The following IGF2BP2 variants were observed in gnomAD, a reference collection of about 807,000 sequenced individuals.
IGF2BP2 encodes the protein insulin-like growth factor 2 mRNA-binding protein 2.
In IGF2BP2, 17 loss-of-function variants were observed where a neutral mutation model predicts 75.8. The observed-to-expected ratio is 0.22, with a 90% confidence interval of 0.15 to 0.34. The LOEUF is 0.34. IGF2BP2 is among the 10% of genes least tolerant of loss of function. IGF2BP2 has a pLI of 1.00. For synonymous variants in IGF2BP2, 288 were observed against 295.6 expected (o/e 0.97, Z 0.26); for missense variants, 516 against 772.4 (o/e 0.67, Z 3.93).
chr3:185,676,992 ATATATATATGGAGAGAT>A (rs1553855504), intron 7 of IGF2BP2, among the ~76,000 whole-genome samples: 1 of 135,940 alleles, frequency 7.4e-6, no homozygotes, highest in Non-Finnish European at 1.6e-5. Flanking sequence ...ATATGGAGAT[ATATATATATGGAGAGAT>A]TATATATATG....
chr3:185,650,950 C>T (rs1714497967), intron 13 of IGF2BP2, among the ~76,000 whole-genome samples: 1 of 152,184 alleles, frequency 6.6e-6, no homozygotes, highest in Non-Finnish European at 1.5e-5. Flanking sequence ...GCTCTGTCAC[C>T]CAGGCTAGAG....
intron 2 of IGF2BP2, among the ~76,000 whole-genome samples, chr3:185,818,074 T>G (rs1275796288): frequency 2.0e-5 from 3 of 152,208 alleles, no homozygotes; most frequent in African/African-American, 7.2e-5. Flanking sequence ...CATTTTTAAG[T>G]CTCCAAAGAA....
Position 185,658,411 on chromosome 3 carries a change from T to C in IGF2BP2, c.1201-2A>G, listed in dbSNP as rs1296323122. 1.2e-6 allele frequency: 2 copies of C among 1,613,450 alleles called. No individual in the cohort carries two copies. The stretch of plus-strand genomic sequence containing the variant: ...GCTGGAGAAGTATCCGGAGTGGGTC[T>C]GCAGCATGAGAGAAAGAGTCAGTGG... On this transcript the variant is annotated splice_acceptor_variant, in intron 10 of 15. Transcript: ENST00000382199. LOFTEE classifies it high-confidence loss of function.
At chr3:185,707,700 G>T (rs1578044163) in intron 2 of IGF2BP2, among the ~76,000 whole-genome samples, 6 of 152,054 alleles carry the variant, frequency 3.9e-5, no homozygotes, top group African/African-American at 2.4e-5. Context: ...ATAATTTTTT[G>T]GGAGGAGGGG....
chr3:185,761,880 C>T (rs1732415341), intron 2 of IGF2BP2, among the ~76,000 whole-genome samples: 1 of 152,190 alleles, frequency 6.6e-6, no homozygotes, highest in Non-Finnish European at 1.5e-5. Flanking sequence ...GCATTCGATC[C>T]AAGGGGGCAC....
intron 14 of IGF2BP2, among the ~76,000 whole-genome samples, chr3:185,648,307 TAAAA>T (rs1210898409): frequency 6.6e-6 from 1 of 151,386 alleles, no homozygotes; most frequent in Non-Finnish European, 1.5e-5. Flanking sequence ...ACTAAAAATA[TAAAA>T]AATTAGCTGG....
chr3:185,732,383 A>G (rs1033810816), intron 2 of IGF2BP2, among the ~76,000 whole-genome samples: 4 of 152,220 alleles, frequency 2.6e-5, no homozygotes, highest in African/African-American at 7.2e-5. Context: ...AGGGAAGACT[A>G]TGTTGACCAG....
Position 185,714,634 on chromosome 3 carries a change from G to A in IGF2BP2, c.240-16287C>T, listed in dbSNP as rs543197700. 2.6e-5 allele frequency among the ~76,000 whole-genome samples: 4 copies of A among 152,224 alleles called. No individual in the cohort carries two copies. In the East Asian group the frequency reaches 5.8e-4, roughly 22 times the overall value. On this transcript the variant is annotated intron_variant, in intron 2 of 15. Coordinates refer to ENST00000382199, the MANE Select transcript of IGF2BP2 (RefSeq NM_006548.6). ...TGTTTGCATTTTAATTACAAATGAG[G>A]GTGATCATTTTTCATATATTAAAGA... is the stretch of plus-strand genomic sequence containing the variant.
At position 185,716,166 on chromosome 3, in the gene IGF2BP2, TA is replaced by T. The variant is rs1027282756; in HGVS notation, c.240-17820del. Among the ~76,000 whole-genome samples the T allele has an allele frequency of 2.9e-3, 429 of 146,040 alleles. 1 individual carries two copies. The highest frequency in any genetic ancestry group is 9.5e-3 in the African/African-American group (382 of 40,086). On this transcript the variant is annotated intron_variant, in intron 2 of 15. Transcript: ENST00000382199. ...AGAGGGTATGATTGAATAACATGAT[TA>T]AAAAAAAAAACACCAGAACTTTTAT...
At chr3:185,749,858 G>A (rs757437525) in intron 2 of IGF2BP2, among the ~76,000 whole-genome samples, 1 of 152,150 alleles carries the variant, frequency 6.6e-6, no homozygotes, top group African/African-American at 2.4e-5. Context: ...AAAGAAATGA[G>A]CCTGTGCCTG....
At chr3:185,743,785 A>T (rs1729884671) in intron 2 of IGF2BP2, among the ~76,000 whole-genome samples, 1 of 152,208 alleles carries the variant, frequency 6.6e-6, no homozygotes, top group Non-Finnish European at 1.5e-5. Context: ...AAGCAAACAA[A>T]AACTCCTGCT....
At chr3:185,740,173 A>G (rs1729363582) in intron 2 of IGF2BP2, among the ~76,000 whole-genome samples, 1 of 152,192 alleles carries the variant, frequency 6.6e-6, no homozygotes, top group African/African-American at 2.4e-5. Flanking sequence ...CAATTGTTGA[A>G]AAGCAAAGGG....
At position 185,644,994 on chromosome 3, in the gene IGF2BP2, GAAA is replaced by G. The variant is rs1023744596; in HGVS notation, c.*534_*536del. 6 of 150,540 alleles carry G rather than the reference GAAA, an allele frequency of 4.0e-5. No individual in the cohort carries two copies. Among genetic ancestry groups the G allele is most frequent in the African/African-American group, 1.5e-4 (6 of 40,970 alleles). 9.3% of individuals were successfully genotyped at this position (150,540 alleles called of 1,614,324 possible). A position where few individuals can be genotyped will look rare whatever the true frequency, so the allele number is the denominator to read the frequency against. ...GAAAAGCCTGCTTTCTCTTTAAAAA[GAAA>G]AAAAAATTAATAATTGATTAAAAAT... On this transcript the variant is annotated 3_prime_UTR_variant, in exon 16 of 16. Coordinates refer to ENST00000382199, the MANE Select transcript of IGF2BP2 (RefSeq NM_006548.6).
intron 2 of IGF2BP2, among the ~76,000 whole-genome samples, chr3:185,735,147 C>CTTTTT (rs11314977): frequency 7.3e-6 from 1 of 136,954 alleles, no homozygotes; most frequent in Non-Finnish European, 1.6e-5. Flanking sequence ...CATTTAAATC[C>CTTTTT]TTTTTTTTTT....
intron 2 of IGF2BP2, among the ~76,000 whole-genome samples, chr3:185,803,084 G>A (rs1231944665): frequency 1.3e-5 from 2 of 152,214 alleles, no homozygotes; most frequent in Non-Finnish European, 2.9e-5. Context: ...TGGGCGTGGT[G>A]GCTCACGCCT....
intron 2 of IGF2BP2, among the ~76,000 whole-genome samples, chr3:185,779,975 G>A (rs1266047273): frequency 1.3e-5 from 2 of 152,160 alleles, no homozygotes; most frequent in African/African-American, 4.8e-5. Context: ...AGCATGTTTG[G>A]AATTGGAAAC....
intron 2 of IGF2BP2, among the ~76,000 whole-genome samples, chr3:185,808,594 C>G (rs1468281445): frequency 6.6e-6 from 1 of 151,948 alleles, no homozygotes; most frequent in Non-Finnish European, 1.5e-5. Flanking sequence ...CTCTCTCTCT[C>G]TATTACCCAG....
chr3:185,647,663 C>G lies in IGF2BP2; in HGVS notation c.1594-525G>C, dbSNP rs1004363630. Among the ~76,000 whole-genome samples, 2 of 152,178 alleles carry G rather than the reference C, an allele frequency of 1.3e-5. No homozygotes were observed. Among genetic ancestry groups the G allele is most frequent in the African/African-American group, 2.4e-5 (1 of 41,440 alleles). ...ACCCTTGGATTGTTGTCCTCTCTCC[C>G]GGCCACTGGATCCCACCCCAGGCCC... On this transcript the variant is annotated intron_variant, in intron 14 of 15. Transcript: ENST00000382199. The surrounding 1 kb of genome is among the most constrained non-coding windows in gnomAD (Gnocchi z 4.9).
At chr3:185,697,364 C>T (rs767173443) in intron 3 of IGF2BP2, among the ~76,000 whole-genome samples, 5 of 151,416 alleles carry the variant, frequency 3.3e-5, no homozygotes, top group Non-Finnish European at 5.9e-5. Flanking sequence ...CCTTGGCCTC[C>T]GAAGTGCTGG....
Sources: gnomAD v4.1 joint callset for allele counts (sites outside exome capture counted in the v4.1 genomes callset) on GRCh38, gnomAD v4.1.1 for gene constraint, Gnocchi (gnomAD v3.1) non-coding constraint, MANE v1.5 for transcripts, NCBI Gene and HGNC (gene_info 2026-07-23, HGNC 2026-07-21) for gene names.